The following PDZRN4 variants were observed in gnomAD, a reference collection of about 807,000 sequenced individuals.
The protein encoded by PDZRN4 is PDZ domain containing ring finger 4.
Under a neutral mutation model 99.0 loss-of-function variants are expected in PDZRN4, and 70 were observed. That is an observed-to-expected ratio of 0.71 (90% CI 0.58 to 0.86). The LOEUF is 0.86. Ranked by LOEUF, PDZRN4 falls within the 40% of genes least tolerant of loss-of-function variation. The pLI is 0.00. For synonymous variants in PDZRN4, 551 were observed against 501.6 expected (o/e 1.10, Z -1.32); for missense variants, 1,474 against 1,331.2 (o/e 1.11, Z -1.67).
intron 3 of PDZRN4, among the ~76,000 whole-genome samples, chr12:41,416,080 T>C (rs1320078185): frequency 6.6e-6 from 1 of 152,132 alleles, no homozygotes; most frequent in East Asian, 1.9e-4. Context: ...GATTGACAAA[T>C]ATTTTTCCCA....
chr12:41,204,339 G>A (rs980425150), intron 3 of PDZRN4, among the ~76,000 whole-genome samples: 1 of 151,996 alleles, frequency 6.6e-6, no homozygotes, highest in Admixed American at 6.6e-5. Flanking sequence ...AAGGCTTGAT[G>A]GATTACCCTC....
chr12:41,475,685 G>A (rs1346004894), intron 3 of PDZRN4, among the ~76,000 whole-genome samples: 4 of 152,198 alleles, frequency 2.6e-5, no homozygotes, highest in Non-Finnish European at 4.4e-5. Flanking sequence ...TAATATTAGC[G>A]CTCAAATTTT....
chr12:41,444,131 G>A (rs1952703423), intron 3 of PDZRN4, among the ~76,000 whole-genome samples: 1 of 152,074 alleles, frequency 6.6e-6, no homozygotes, highest in South Asian at 2.1e-4. Flanking sequence ...TAAGAACCGA[G>A]TATCTTTGGA....
Position 41,567,910 on chromosome 12 carries a change from C to A in PDZRN4, c.1584+11C>A. On this transcript the variant is annotated intron_variant, in intron 9 of 9. Coordinates refer to ENST00000402685, the MANE Select transcript of PDZRN4 (RefSeq NM_001164595.2). Reference sequence around the variant, plus strand: ...AATGAGGTGGAGCAGGTAGGGCCAACAATTTGAACTACATCATTTGATATG... The same window carrying A: ...AATGAGGTGGAGCAGGTAGGGCCAAAAATTTGAACTACATCATTTGATATG... The A allele has an allele frequency of 7.0e-7, 1 of 1,428,064 alleles. No homozygotes were observed. Among genetic ancestry groups the A allele is most frequent in the East Asian group, 2.3e-5 (1 of 43,248 alleles). 88.5% of individuals were successfully genotyped at this position (1,428,064 alleles called of 1,614,324 possible). A position where few individuals can be genotyped will look rare whatever the true frequency, so the allele number is the denominator to read the frequency against.
intron 6 of PDZRN4, among the ~76,000 whole-genome samples, chr12:41,554,573 A>G (rs1208177605): frequency 6.6e-6 from 1 of 152,084 alleles, no homozygotes; most frequent in Non-Finnish European, 1.5e-5. Context: ...GTTTGCTTAA[A>G]AAAAAAAAGC....
At chr12:41,203,954 G>T (rs540876779) in intron 3 of PDZRN4, among the ~76,000 whole-genome samples, 4 of 152,108 alleles carry the variant, frequency 2.6e-5, no homozygotes, top group African/African-American at 7.2e-5. Flanking sequence ...TTTCACTGGG[G>T]TATATACCTA....
Position 41,200,290 on chromosome 12 carries a change from C to G in PDZRN4, c.843+6102C>G, listed in dbSNP as rs112683854. ...TCAACTTTTCCATTTCTCAGTTTCT[C>G]TCCTGTAAGTATAAGTGTCACCCTA... On this transcript the variant is annotated intron_variant, in intron 3 of 9. Coordinates refer to ENST00000402685, the MANE Select transcript of PDZRN4 (RefSeq NM_001164595.2). 3.2e-3 allele frequency among the ~76,000 whole-genome samples: 487 copies of G among 152,232 alleles called. 2 individuals are homozygous for G. The highest frequency in any genetic ancestry group is 5.4e-3 in the Non-Finnish European group (366 of 68,004).
At chr12:41,449,565 A>G (rs575417524) in intron 3 of PDZRN4, among the ~76,000 whole-genome samples, 2 of 152,324 alleles carry the variant, frequency 1.3e-5, no homozygotes, top group East Asian at 1.9e-4. Context: ...GTGCACGCAA[A>G]TAACTATGAT....
chr12:41,311,215 C>T (rs1404942829), intron 3 of PDZRN4, among the ~76,000 whole-genome samples: 1 of 151,692 alleles, frequency 6.6e-6, no homozygotes, highest in Admixed American at 6.6e-5. Context: ...GTTTAAAAAC[C>T]ACACAGTCAA....
At chr12:41,300,414 T>C (rs1028627970) in intron 3 of PDZRN4, among the ~76,000 whole-genome samples, 11 of 151,976 alleles carry the variant, frequency 7.2e-5, no homozygotes, top group Admixed American at 6.6e-4. Flanking sequence ...ATAACAGAAC[T>C]AAAATAACTC....
intron 3 of PDZRN4, among the ~76,000 whole-genome samples, chr12:41,198,943 T>C (rs1052712136): frequency 2.0e-5 from 3 of 152,154 alleles, no homozygotes; most frequent in African/African-American, 7.2e-5. Flanking sequence ...TTCTCTGTGG[T>C]CACTATCTGT....
intron 3 of PDZRN4, among the ~76,000 whole-genome samples, chr12:41,397,997 C>A (rs1014155697): frequency 6.6e-6 from 1 of 152,038 alleles, no homozygotes; most frequent in Admixed American, 6.6e-5. Flanking sequence ...CTGCCTACAG[C>A]CCGGGGGACC....
intron 3 of PDZRN4, among the ~76,000 whole-genome samples, chr12:41,274,737 A>G (rs536660005): frequency 3.9e-5 from 6 of 152,176 alleles, no homozygotes; most frequent in Non-Finnish European, 8.8e-5. Flanking sequence ...AATCTATCAT[A>G]GCTAGCATTC....
chr12:41,572,602 C>A lies in PDZRN4; in HGVS notation c.1823C>A (p.Ser608Tyr). 1.2e-6 allele frequency: 2 copies of A among 1,614,136 alleles called. No individual in the cohort carries two copies. Among genetic ancestry groups the A allele is most frequent in the Non-Finnish European group, 1.7e-6 (2 of 1,179,992 alleles). Residue 608 changes from serine to tyrosine, a missense_variant, in exon 10 of 10, where the codon TCT becomes TAT. By Grantham distance (144) the Ser-to-Tyr change is moderately radical. Transcript: ENST00000402685. Reference protein sequence around the residue: ...VELQYNESLVSGEYIDSDCIG... With the variant: ...VELQYNESLVYGEYIDSDCIG... Reference sequence around the variant, plus strand: ...CTTCAGTACAATGAGAGCCTCGTATCTGGTGAATACATTGACTCAGACTGC... The same window carrying A: ...CTTCAGTACAATGAGAGCCTCGTATATGGTGAATACATTGACTCAGACTGC...
At chr12:41,413,609 C>T (rs982352305) in intron 3 of PDZRN4, among the ~76,000 whole-genome samples, 8 of 152,026 alleles carry the variant, frequency 5.3e-5, no homozygotes, top group African/African-American at 1.7e-4. Context: ...ATATGTGTTG[C>T]AGCACATATA....
intron 3 of PDZRN4, among the ~76,000 whole-genome samples, chr12:41,305,584 C>T (rs1024191635): frequency 4.6e-5 from 7 of 152,042 alleles, no homozygotes; most frequent in African/African-American, 1.7e-4. Flanking sequence ...GAGGTCTCTT[C>T]ATCTTCTTAC....
At chr12:41,194,806 A>AT (rs1950761110) in intron 3 of PDZRN4, among the ~76,000 whole-genome samples, 1 of 152,182 alleles carries the variant, frequency 6.6e-6, no homozygotes, top group Non-Finnish European at 1.5e-5. Context: ...TTATTAAAGG[A>AT]TTAATTATTA....
chr12:41,406,858 C>CAAAAAAA (rs758320141), intron 3 of PDZRN4, among the ~76,000 whole-genome samples: 3 of 46,922 alleles, frequency 6.4e-5, no homozygotes, highest in Middle Eastern at 0.013. Flanking sequence ...AACTCCGTCT[C>CAAAAAAA]AAAAAAAAAA....
intron 3 of PDZRN4, among the ~76,000 whole-genome samples, chr12:41,265,950 C>A (rs535160893): frequency 6.6e-6 from 1 of 152,014 alleles, no homozygotes; most frequent in South Asian, 2.1e-4. Context: ...CAAATCAAAG[C>A]CTTTTTCTTC....
Sources: allele counts gnomAD v4.1 joint callset (sites outside exome capture counted in the v4.1 genomes callset), GRCh38; gene constraint gnomAD v4.1.1; transcripts MANE v1.5; gene names NCBI Gene and HGNC (gene_info 2026-07-23, HGNC 2026-07-21).